PCSK4: variants seen among roughly 807,000 people sequenced by gnomAD.
The protein encoded by PCSK4 is proprotein convertase subtilisin/kexin type 4.
Under a neutral mutation model 80.3 loss-of-function variants are expected in PCSK4, and 64 were observed. The observed-to-expected ratio is 0.80, with a 90% CI of 0.65 to 0.98. The LOEUF is 0.98. Among genes scored for constraint, PCSK4 ranks in the 50% least tolerant of loss-of-function variants. The probability of loss-of-function intolerance (pLI) is 0.00; values close to 1 mark genes in which losing one functional copy is unlikely to be tolerated. For synonymous variants in PCSK4, 561 were observed against 487.6 expected (o/e 1.15, Z -1.98); for missense variants, 1,213 against 1,093.6 (o/e 1.11, Z -1.54).
intron 8 of PCSK4, among the ~76,000 whole-genome samples, chr19:1,484,930 A>G (rs953446807): frequency 6.6e-6 from 1 of 152,164 alleles, no homozygotes; most frequent in Non-Finnish European, 1.5e-5. Flanking sequence ...AGATTGTTTG[A>G]GCTCAGGAGT....
At chr19:1,481,788 G>A (rs114544630) in exon 15 of PCSK4, 2 of 1,516,144 alleles carry the variant, frequency 1.3e-6, no homozygotes, top group Admixed American at 2.2e-5. Context: ...CAGACCTGGG[G>A]TTTGGTGGGG....
intron 13 of PCSK4, 27 bp downstream of exon 13, chr19:1,482,868 GC>G: frequency 9.9e-7 from 1 of 1,014,772 alleles, no homozygotes. Context: ...GCCAAGCCCC[GC>G]CCACCACAGC....
In PCSK4 at chr19:1,486,947, G is replaced by C. The variant is rs143542458; in HGVS notation, c.974C>G (p.Thr325Ser). The C allele has an allele frequency of 2.6e-5, 42 of 1,607,390 alleles. No homozygotes were observed. Among genetic ancestry groups the C allele is most frequent in the Non-Finnish European group, 3.3e-5 (39 of 1,179,846 alleles). ...CCAGGGCACGCGGCCCTGCTGGGTG[G>C]TGCTGCCCACGGAAAGCGTGTGGAT... Residue 325 changes from threonine to serine, a missense_variant, in exon 8 of 15, where the codon ACC becomes AGC. Thr to Ser is a moderately conservative substitution (Grantham distance 58, BLOSUM62 1). Transcript: ENST00000300954.
intron 8 of PCSK4, among the ~76,000 whole-genome samples, 185 bp downstream of exon 8, chr19:1,486,668 G>T (rs1318990252): frequency 6.6e-6 from 1 of 152,036 alleles, no homozygotes; most frequent in Non-Finnish European, 1.5e-5. Context: ...TCCTGACCTT[G>T]TGATCTGCCT....
At chr19:1,483,930 G>C in exon 10 of PCSK4, 12 of 1,458,068 alleles carry the variant, frequency 8.2e-6, no homozygotes, top group Non-Finnish European at 9.0e-6. Flanking sequence ...GTCTCTCCAC[G>C]TCAGGAACGG....
At chr19:1,482,124 T>C in exon 15 of PCSK4, 1 of 1,555,168 alleles carries the variant, frequency 6.4e-7, no homozygotes, top group Non-Finnish European at 8.6e-7. Flanking sequence ...GGCCCAGCGG[T>C]CACCAGCCTT....
chr19:1,486,331 CTG>C (rs953203806), intron 8 of PCSK4, among the ~76,000 whole-genome samples: 3 of 151,080 alleles, frequency 2.0e-5, no homozygotes, highest in African/African-American at 7.3e-5. Context: ...GAGTCTCACT[CTG>C]TCGCCCAGGC....
chr19:1,483,991 G>T, intron 9 of PCSK4, 36 bp downstream of exon 9: 1 of 1,493,922 alleles, frequency 6.7e-7, no homozygotes. Context: ...CGCGCCTGGG[G>T]GCGAGGGCGG....
chr19:1,482,943 C>A, exon 13 of PCSK4: 1 of 1,613,274 alleles, frequency 6.2e-7, no homozygotes, highest in Non-Finnish European at 8.5e-7. Flanking sequence ...GGTCCACACG[C>A]CCTGTGGGTT....
exon 12 of PCSK4, chr19:1,483,348 G>T: frequency 6.2e-7 from 1 of 1,609,846 alleles, no homozygotes; most frequent in Non-Finnish European, 8.5e-7. Context: ...AGGTCTCCGC[G>T]CCGGCTGTAG....
chr19:1,487,356 C>T (rs1220244635), intron 6 of PCSK4, 43 bp from the exon 7 acceptor site: 1 of 1,479,988 alleles, frequency 6.8e-7, no homozygotes, highest in Admixed American at 1.8e-5. Context: ...CGGCCCTGCC[C>T]TTCCCCACAC....
chr19:1,482,161 G>T lies in PCSK4; in HGVS notation c.1866C>A (p.Tyr622Ter). ...TGTGGTTGAAGAACCGCGGGGGGCA[G>T]TAGGCCAGGCAGAGCTGTCCCAGGA... Residue 622 changes from tyrosine (Y) to a stop codon, truncating the protein, a stop_gained, in exon 15 of 15, where the codon TAC becomes TAA. Coordinates refer to ENST00000300954, the Ensembl canonical transcript of PCSK4. LOFTEE classifies it low-confidence loss of function (END_TRUNC). 6.4e-7 allele frequency: 1 copy of T among 1,559,762 alleles called. No homozygotes were observed. Among genetic ancestry groups the T allele is most frequent in the Non-Finnish European group, 8.6e-7 (1 of 1,160,968 alleles).
chr19:1,489,972 C>T lies in PCSK4; in HGVS notation c.190-75G>A, dbSNP rs566488758. On this transcript the variant is annotated intron_variant, in intron 1 of 14. Coordinates refer to ENST00000300954, the Ensembl canonical transcript of PCSK4. Reference sequence around the variant, plus strand: ...GAAGCCCCCGAGGGCCGGTAACAGCCCCCTTCTTTGTCCTTCCCCAGCAGG... The same window carrying T: ...GAAGCCCCCGAGGGCCGGTAACAGCTCCCTTCTTTGTCCTTCCCCAGCAGG... 1.4e-5 allele frequency: 21 copies of T among 1,541,472 alleles called. No individual in the cohort carries two copies. The African/African-American group carries it at 2.6e-4, about 19-fold the overall frequency.
intron 2 of PCSK4, among the ~76,000 whole-genome samples, chr19:1,489,326 G>A (rs2084812731): frequency 6.6e-6 from 1 of 152,082 alleles, no homozygotes; most frequent in African/African-American, 2.4e-5. Context: ...TAGAGACAGG[G>A]TTTCACCGTG....
chr19:1,484,112 G>A, exon 9 of PCSK4: 1 of 1,561,744 alleles, frequency 6.4e-7, no homozygotes, highest in Non-Finnish European at 8.7e-7. Flanking sequence ...CACCCGTGAT[G>A]CAGGTCCGTG....
At chr19:1,487,786 G>A (rs774830559) in exon 5 of PCSK4, 12 of 1,575,220 alleles carry the variant, frequency 7.6e-6, no homozygotes, top group Admixed American at 3.7e-5. Flanking sequence ...CCTGCTCACC[G>A]GTTCTCTTTG....
At chr19:1,489,974 C>T in intron 1 of PCSK4, 77 bp from the exon 2 acceptor site, 1 of 1,536,424 alleles carries the variant, frequency 6.5e-7, no homozygotes, top group South Asian at 1.2e-5. Flanking sequence ...GTAACAGCCC[C>T]CTTCTTTGTC....
intron 1 of PCSK4, 64 bp downstream of exon 1, chr19:1,490,094 C>G (rs112215929): frequency 6.3e-7 from 1 of 1,583,970 alleles, no homozygotes; most frequent in Non-Finnish European, 8.6e-7. Context: ...TCCCCCTTGT[C>G]GGGGTCTAGG....
exon 15 of PCSK4, chr19:1,481,605 C>T (rs897423056): frequency 1.2e-5 from 6 of 520,486 alleles, no homozygotes; most frequent in South Asian, 3.8e-5. Context: ...CTCTCTCTCC[C>T]GCCAGGCTTC....
Sources: allele counts gnomAD v4.1 joint callset (sites outside exome capture counted in the v4.1 genomes callset), GRCh38; gene constraint gnomAD v4.1.1; transcripts MANE v1.5; gene names NCBI Gene and HGNC (gene_info 2026-07-23, HGNC 2026-07-21).